Variants in UBE3A observed in about 807,000 individuals in gnomAD.
UBE3A encodes ubiquitin protein ligase E3A.
Under a neutral mutation model 83.4 loss-of-function variants are expected in UBE3A, and 6 were observed. The observed-to-expected ratio is 0.07, with a 90% confidence interval of 0.04 to 0.14. The LOEUF (loss-of-function observed/expected upper bound fraction) is 0.14, where lower values mean the gene tolerates loss of function less well. Ranked by LOEUF, UBE3A falls within the 10% of genes least tolerant of loss-of-function variation. UBE3A has a pLI of 1.00. For missense variants in UBE3A, 456 were observed against 1,036.1 expected (o/e 0.44, Z 7.69); for synonymous variants, 337 against 355.4 (o/e 0.95, Z 0.58).
chr15:25,398,477 C>T (rs145252457), intron 4 of UBE3A, among the ~76,000 whole-genome samples: 12 of 152,006 alleles, frequency 7.9e-5, no homozygotes, highest in African/African-American at 2.7e-4. Flanking sequence ...ACCCCCAGCC[C>T]CTGGTAACCA....
intron 1 of UBE3A, among the ~76,000 whole-genome samples, chr15:25,429,452 C>T (rs1409721097): frequency 1.3e-5 from 2 of 152,094 alleles, no homozygotes; most frequent in Non-Finnish European, 2.9e-5. Flanking sequence ...AAACAAAAGA[C>T]ATATTAGCAT....
intron 4 of UBE3A, among the ~76,000 whole-genome samples, chr15:25,397,417 A>G (rs891347459): frequency 2.0e-5 from 3 of 152,122 alleles, no homozygotes; most frequent in African/African-American, 7.2e-5. Context: ...ATCCTCTTCC[A>G]TTCTAAACTT....
At position 25,334,248 on chromosome 15, in the gene UBE3A, C is replaced by T. The variant is rs1241950024; in HGVS notation, c.*4889G>A. 1.3e-5 allele frequency: 2 copies of T among 151,502 alleles called. No individual in the cohort carries two copies. The highest frequency in any genetic ancestry group is 2.9e-5 in the Non-Finnish European group (2 of 67,850). 9.4% of individuals were successfully genotyped at this position (151,502 alleles called of 1,614,324 possible). On this transcript the variant is annotated 3_prime_UTR_variant, in exon 13 of 13. Transcript: ENST00000648336. ...AGCTACAATATACAAAATCAATATACAAAAATTAATTTTATTTCTAACACC... is the reference window on the plus strand; with the variant it reads ...AGCTACAATATACAAAATCAATATATAAAAATTAATTTTATTTCTAACACC...
intron 1 of UBE3A, among the ~76,000 whole-genome samples, chr15:25,430,153 ATATATATAAGAT>A (rs1892873297): frequency 3.2e-5 from 1 of 31,252 alleles, no homozygotes; most frequent in Non-Finnish European, 5.0e-5. Context: ...TATATAATAC[ATATATATAAGAT>A]TATATATATA....
intron 6 of UBE3A, among the ~76,000 whole-genome samples, chr15:25,364,978 G>A (rs1172293006): frequency 6.6e-6 from 1 of 152,004 alleles, no homozygotes; most frequent in African/African-American, 2.4e-5. Flanking sequence ...TACAGTGTAT[G>A]TTGTATTTAT....
chr15:25,383,318 T>C (rs1201315357), intron 4 of UBE3A, among the ~76,000 whole-genome samples: 2 of 152,124 alleles, frequency 1.3e-5, no homozygotes, highest in Non-Finnish European at 2.9e-5. Flanking sequence ...GAAGAAGCAT[T>C]TGACAAAAAT....
intron 4 of UBE3A, among the ~76,000 whole-genome samples, chr15:25,386,727 A>G (rs1464047880): frequency 6.6e-6 from 1 of 152,042 alleles, no homozygotes; most frequent in African/African-American, 2.4e-5. Flanking sequence ...CCTTACCTGT[A>G]GAGGAAAAAA....
At chr15:25,410,898 T>G (rs925238297) in intron 2 of UBE3A, among the ~76,000 whole-genome samples, 7 of 152,204 alleles carry the variant, frequency 4.6e-5, no homozygotes, top group East Asian at 1.9e-4. Flanking sequence ...AGCTTCCCCT[T>G]GGGTTCTCAA....
At chr15:25,377,671 A>G (rs766695950) in intron 4 of UBE3A, among the ~76,000 whole-genome samples, 35 of 152,342 alleles carry the variant, frequency 2.3e-4, no homozygotes, top group Non-Finnish European at 4.0e-4. Flanking sequence ...ACATGTATCG[A>G]AAGTCTTAAA....
At chr15:25,347,973 C>G (rs777550348) in intron 11 of UBE3A, among the ~76,000 whole-genome samples, 1 of 151,864 alleles carries the variant, frequency 6.6e-6, no homozygotes, top group Non-Finnish European at 1.5e-5. Flanking sequence ...ACAAGAGATT[C>G]GTTTCAAATT....
At chr15:25,401,565 A>T (rs2087095613) in intron 4 of UBE3A, among the ~76,000 whole-genome samples, 1 of 152,150 alleles carries the variant, frequency 6.6e-6, no homozygotes, top group Admixed American at 6.5e-5. Flanking sequence ...CTTCTATGGT[A>T]ATCAATTTGT....
chr15:25,409,136 G>C lies in UBE3A; in HGVS notation c.-29C>G, dbSNP rs1037709832. The C allele has an allele frequency of 1.9e-6, 3 of 1,593,210 alleles. No homozygotes were observed. In the African/African-American group the frequency reaches 4.0e-5, roughly 21 times the overall value. Reference sequence around the variant, plus strand: ...GTGACATCAGGGTGATCACAGCTTTGAGTCACTGATTAAAAACAGGTTGTC... The same window carrying C: ...GTGACATCAGGGTGATCACAGCTTTCAGTCACTGATTAAAAACAGGTTGTC... On this transcript the variant is annotated 5_prime_UTR_variant, in exon 3 of 13. Transcript: ENST00000648336.
chr15:25,339,687 T>TTAGAAACACTGCTGGCAATA, intron 12 of UBE3A: 1 of 314,788 alleles, frequency 3.2e-6, no homozygotes, highest in Non-Finnish European at 6.0e-6. Flanking sequence ...TAAATGCTTA[T>TTAGAAACACTGCTGGCAATA]TAGAAACACT....
chr15:25,351,091 C>T (rs182417185), intron 11 of UBE3A, among the ~76,000 whole-genome samples: 12 of 152,316 alleles, frequency 7.9e-5, no homozygotes, highest in African/African-American at 2.9e-4. Context: ...ATTACCACCA[C>T]ATTGATAACA....
chr15:25,343,051 G>A (rs2075116597), intron 11 of UBE3A, among the ~76,000 whole-genome samples: 1 of 152,150 alleles, frequency 6.6e-6, no homozygotes, highest in Admixed American at 6.5e-5. Flanking sequence ...TGAAAAATCA[G>A]AAAGTGGTGA....
chr15:25,359,418 CGTGTGTGTGTGTGTGTGTGT>C lies in UBE3A; in HGVS notation c.1753+945_1753+964del, dbSNP rs60677664. Among the ~76,000 whole-genome samples the C allele has an allele frequency of 2.4e-3, 331 of 139,014 alleles. 1 individual carries two copies. Among genetic ancestry groups the C allele is most frequent in the Non-Finnish European group, 3.6e-3 (228 of 63,650 alleles). 91.2% of individuals were successfully genotyped at this position (139,014 alleles called of 152,430 possible). On this transcript the variant is annotated intron_variant, in intron 7 of 12. Coordinates refer to ENST00000648336, the MANE Select transcript of UBE3A (RefSeq NM_130839.5). ...CTAGCTAGATTATAGATAAGGGATG[CGTGTGTGTGTGTGTGTGTGT>C]GTGTGTGTGTGTGTGTGTGTGTGTG...
chr15:25,409,910 C>T (rs1194206730), intron 2 of UBE3A, among the ~76,000 whole-genome samples: 3 of 151,458 alleles, frequency 2.0e-5, no homozygotes, highest in African/African-American at 2.4e-5. Context: ...CATCAGTCAC[C>T]GCATGTTCTC....
In UBE3A at chr15:25,375,495, T is replaced by C; in HGVS notation, c.331A>G (p.Asn111Asp). ...AAATCAATTCTAGCGCCTTTCTTGT[T>C]CATTTTTATCTCAGAGCAGGAGTTG... Reference protein sequence around the residue: ...PNNSCSEIKMNKKGARIDFKD... With the variant: ...PNNSCSEIKMDKKGARIDFKD... Residue 111 changes from asparagine to aspartate, a missense_variant, in exon 5 of 13, where the codon AAC becomes GAC. This residue lies in a region of UBE3A where 36 missense variants were observed against 28.5 expected (regional missense o/e 1.26). Transcript: ENST00000648336. 2 of 1,614,150 alleles carry C rather than the reference T, an allele frequency of 1.2e-6. No homozygotes were observed. Among genetic ancestry groups the C allele is most frequent in the Non-Finnish European group, 1.7e-6 (2 of 1,180,024 alleles).
intron 4 of UBE3A, among the ~76,000 whole-genome samples, chr15:25,400,364 G>A (rs946697914): frequency 5.3e-5 from 8 of 152,246 alleles, no homozygotes; most frequent in East Asian, 1.9e-4. Context: ...ACACATCCTC[G>A]TGTATACTTT....
Sources: allele counts gnomAD v4.1 joint callset (sites outside exome capture counted in the v4.1 genomes callset), GRCh38; gene constraint gnomAD v4.1.1; regional missense constraint gnomAD v4.1.1; transcripts MANE v1.5; gene names NCBI Gene and HGNC (gene_info 2026-07-23, HGNC 2026-07-21).